HTR7: variants seen among roughly 807,000 people sequenced by gnomAD.
HTR7 encodes the protein 5-HT-7.
Under a neutral mutation model 34.0 loss-of-function variants are expected in HTR7, and 16 were observed. The ratio of observed to expected loss-of-function variants is 0.47; its 90% CI spans 0.32 to 0.71. The LOEUF is 0.71. HTR7 is among the 30% of genes least tolerant of loss of function. HTR7 has a pLI of 0.04. For missense variants in HTR7, 504 were observed against 625.5 expected, an observed-to-expected ratio of 0.81 and a Z score of 2.07; for synonymous variants, 265 against 260.2, an observed-to-expected ratio of 1.02 and a Z score of -0.18.
chr10:90,744,959 G>T (rs1019398267), intron 2 of HTR7, among the ~76,000 whole-genome samples: 7 of 152,160 alleles, frequency 4.6e-5, no homozygotes, highest in African/African-American at 1.7e-4. Flanking sequence ...TACCATTTCT[G>T]CTCTCCTTTC....
intron 1 of HTR7, among the ~76,000 whole-genome samples, chr10:90,809,299 C>T (rs1397514664): frequency 1.3e-5 from 2 of 152,190 alleles, no homozygotes; most frequent in East Asian, 1.9e-4. Flanking sequence ...AAGGTTAATG[C>T]TCCTTTTTCT....
At chr10:90,820,346 C>T (rs1188389373) in intron 1 of HTR7, among the ~76,000 whole-genome samples, 1 of 152,146 alleles carries the variant, frequency 6.6e-6, no homozygotes, top group Non-Finnish European at 1.5e-5. Context: ...AAAGAAGAAT[C>T]TGAACACGGT....
chr10:90,760,538 G>A (rs1450394900), intron 1 of HTR7, among the ~76,000 whole-genome samples: 1 of 152,160 alleles, frequency 6.6e-6, no homozygotes. Flanking sequence ...TTGAGATTAT[G>A]GATATGTTAA....
At chr10:90,828,960 G>C (rs1169486524) in intron 1 of HTR7, among the ~76,000 whole-genome samples, 1 of 151,762 alleles carries the variant, frequency 6.6e-6, no homozygotes, top group Non-Finnish European at 1.5e-5. Flanking sequence ...AAAAAGTACA[G>C]GCTAATATCC....
At chr10:90,783,640 T>A (rs1845340153) in intron 1 of HTR7, among the ~76,000 whole-genome samples, 1 of 152,210 alleles carries the variant, frequency 6.6e-6, no homozygotes, top group African/African-American at 2.4e-5. Flanking sequence ...GAGATAGGCT[T>A]TTTAGAATAT....
At chr10:90,768,114 G>C (rs186126680) in intron 1 of HTR7, among the ~76,000 whole-genome samples, 1 of 152,252 alleles carries the variant, frequency 6.6e-6, no homozygotes, top group African/African-American at 2.4e-5. Context: ...TAGTGAGTCT[G>C]TCCCAGAAAT....
intron 2 of HTR7, 119 bp downstream of exon 2, chr10:90,748,720 T>C: frequency 8.8e-7 from 1 of 1,139,738 alleles, no homozygotes; most frequent in Non-Finnish European, 1.2e-6. Flanking sequence ...AATTCAAATC[T>C]GGTATGTTTA....
chr10:90,775,987 A>C (rs1845202030), intron 1 of HTR7, among the ~76,000 whole-genome samples: 1 of 152,224 alleles, frequency 6.6e-6, no homozygotes, highest in South Asian at 2.1e-4. Flanking sequence ...AACATATCCT[A>C]AATATAATTT....
At chr10:90,816,804 A>G (rs951564568) in intron 1 of HTR7, among the ~76,000 whole-genome samples, 1 of 152,208 alleles carries the variant, frequency 6.6e-6, no homozygotes, top group Non-Finnish European at 1.5e-5. Flanking sequence ...CCCGGGGACT[A>G]TCATGGAAGA....
At chr10:90,848,069 C>CTTTTTT (rs61675028) in intron 1 of HTR7, among the ~76,000 whole-genome samples, 9,747 of 111,386 alleles carry the variant, frequency 0.088, 452 homozygotes, top group African/African-American at 0.18. Flanking sequence ...TCTCTTTGTT[C>CTTTTTT]TTTTTTTTTT....
At chr10:90,810,734 T>G (rs973141266) in intron 1 of HTR7, among the ~76,000 whole-genome samples, 24 of 152,168 alleles carry the variant, frequency 1.6e-4, no homozygotes, top group African/African-American at 5.5e-4. Context: ...CGCTTTCACT[T>G]GGACTGACCC....
chr10:90,771,203 C>G (rs927770893), intron 1 of HTR7, among the ~76,000 whole-genome samples: 2 of 152,164 alleles, frequency 1.3e-5, no homozygotes, highest in African/African-American at 2.4e-5. Context: ...AATGGGACAC[C>G]CTGGCCTTAG....
At chr10:90,824,166 AT>A (rs1484657689) in intron 1 of HTR7, among the ~76,000 whole-genome samples, 4 of 152,250 alleles carry the variant, frequency 2.6e-5, no homozygotes, top group African/African-American at 9.6e-5. Flanking sequence ...TTGTCTTGCA[AT>A]TTGGATATCA....
chr10:90,749,005 A>G lies in HTR7; in HGVS notation c.1129T>C (p.Ser377Pro). 1 of 1,614,042 alleles carries G rather than the reference A, an allele frequency of 6.2e-7. No homozygotes were observed. The highest frequency in any genetic ancestry group is 8.5e-7 in the Non-Finnish European group (1 of 1,180,008). ...RTFLWLGYANSLINPFIYAFF... is the reference protein window; with the variant it reads ...RTFLWLGYANPLINPFIYAFF... ...GCATATATAAAAGGGTTAATGAGAG[A>G]GTTTGCATAGCCTAGCCACAGAAAT... The change falls in exon 2 of 4, where the codon TCT (serine) becomes CCT (proline). Residue 377 changes from serine (S) to proline (P), a missense_variant. This residue lies in a region of HTR7 where 154 missense variants were observed against 212.1 expected (regional missense o/e 0.73). Coordinates refer to ENST00000336152, the MANE Select transcript of HTR7 (RefSeq NM_019859.4). The surrounding 1 kb of genome is among the most constrained non-coding windows in gnomAD (Gnocchi z 4.2).
At chr10:90,798,382 T>C (rs905756808) in intron 1 of HTR7, among the ~76,000 whole-genome samples, 2 of 152,184 alleles carry the variant, frequency 1.3e-5, no homozygotes, top group Non-Finnish European at 2.9e-5. Context: ...CACTTGCAGA[T>C]AGTCTGGTTA....
chr10:90,844,726 CAAAAAAAAAAAAAAAAAAAAAAAA>C (rs71025328), intron 1 of HTR7, among the ~76,000 whole-genome samples: 5 of 39,474 alleles, frequency 1.3e-4, no homozygotes, highest in Admixed American at 3.1e-4. Flanking sequence ...GACTCCGTCT[CAAAAAAAAAAAAAAAAAAAAAAAA>C]AAAAAAAAAA....
At chr10:90,743,976 T>G in intron 2 of HTR7, 1 of 572,784 alleles carries the variant, frequency 1.7e-6, no homozygotes, top group Non-Finnish European at 3.4e-6. Flanking sequence ...GAGAAATGGG[T>G]AAATATTTGG....
At position 90,742,398 on chromosome 10, in the gene HTR7, T is replaced by C. The variant is rs1051266116; in HGVS notation, c.*84A>G. 1 of 1,029,650 alleles carries C rather than the reference T, an allele frequency of 9.7e-7. No homozygotes were observed. Among genetic ancestry groups the C allele is most frequent in the African/African-American group, 1.6e-5 (1 of 62,776 alleles). 63.8% of individuals were successfully genotyped at this position (1,029,650 alleles called of 1,614,324 possible). On this transcript the variant is annotated 3_prime_UTR_variant, in exon 4 of 4. Transcript: ENST00000336152. ...ATCCCAAGAAAGGACAGAAGCTGCA[T>C]TCCATTCTGCAGACTCAGCAAATGA...
chr10:90,785,609 T>C (rs1845368802), intron 1 of HTR7, among the ~76,000 whole-genome samples: 1 of 152,200 alleles, frequency 6.6e-6, no homozygotes, highest in African/African-American at 2.4e-5. Flanking sequence ...ACTGCACTTC[T>C]GCATTCCCCC....
Sources: gnomAD v4.1 joint callset for allele counts (sites outside exome capture counted in the v4.1 genomes callset) on GRCh38, gnomAD v4.1.1 for gene constraint, gnomAD v4.1.1 regional missense constraint, Gnocchi (gnomAD v3.1) non-coding constraint, MANE v1.5 for transcripts, NCBI Gene and HGNC (gene_info 2026-07-23, HGNC 2026-07-21) for gene names.